Variants in BBX observed in about 807,000 individuals in gnomAD.
BBX encodes the protein BBX high mobility group box domain containing.
A neutral mutation model predicts 100.2 loss-of-function variants in BBX; 30 were observed. The ratio of observed to expected loss-of-function variants is 0.30; its 90% CI spans 0.22 to 0.41. BBX has a LOEUF of 0.41. Among genes scored for constraint, BBX ranks in the 10% least tolerant of loss-of-function variants. The pLI, the probability that BBX is intolerant of heterozygous loss-of-function variation, is 1.00. For missense variants in BBX, 1,023 were observed against 1,129.8 expected (o/e 0.91, Z 1.35); for synonymous variants, 376 against 388.1 (o/e 0.97, Z 0.37).
intron 7 of BBX, among the ~76,000 whole-genome samples, chr3:107,739,564 G>A (rs549825989): frequency 5.9e-5 from 9 of 152,252 alleles, no homozygotes; most frequent in East Asian, 1.9e-4. Flanking sequence ...CACATCCTCC[G>A]TAAGTCCCTA....
At chr3:107,581,225 G>T (rs967028286) in intron 2 of BBX, among the ~76,000 whole-genome samples, 24 of 151,954 alleles carry the variant, frequency 1.6e-4, no homozygotes, top group African/African-American at 5.8e-4. Flanking sequence ...CTGTAAAATA[G>T]TTACATTCAT....
At chr3:107,539,263 A>G (rs1018385484) in intron 2 of BBX, among the ~76,000 whole-genome samples, 1 of 152,220 alleles carries the variant, frequency 6.6e-6, no homozygotes, top group Non-Finnish European at 1.5e-5. Context: ...CTTGCAGAAT[A>G]AAAAGGCAGC....
chr3:107,703,035 G>A (rs2061178000), intron 3 of BBX, among the ~76,000 whole-genome samples: 1 of 152,176 alleles, frequency 6.6e-6, no homozygotes, highest in South Asian at 2.1e-4. Flanking sequence ...CAGCTGCATT[G>A]AGAGTAAAGG....
At chr3:107,713,126 T>G (rs542566727) in intron 4 of BBX, among the ~76,000 whole-genome samples, 9 of 152,302 alleles carry the variant, frequency 5.9e-5, no homozygotes, top group Non-Finnish European at 1.0e-4. Context: ...ATGAAGAAAC[T>G]TTGCCACCCA....
chr3:107,580,798 A>AT (rs2052219581), intron 2 of BBX, among the ~76,000 whole-genome samples: 1 of 152,072 alleles, frequency 6.6e-6, no homozygotes, highest in Non-Finnish European at 1.5e-5. Context: ...TGCCTGGCTA[A>AT]TTTTGTATTT....
intron 3 of BBX, among the ~76,000 whole-genome samples, chr3:107,695,489 C>T (rs2060520878): frequency 7.2e-6 from 1 of 139,208 alleles, no homozygotes; most frequent in Non-Finnish European, 1.5e-5. Context: ...GTTCAGTTTC[C>T]ATGTAGTTGA....
intron 3 of BBX, among the ~76,000 whole-genome samples, chr3:107,650,386 T>C (rs1277634714): frequency 2.0e-5 from 3 of 149,960 alleles, no homozygotes; most frequent in Non-Finnish European, 4.4e-5. Context: ...GCCCAAACCA[T>C]CCCCCCCACC....
At chr3:107,774,630 C>A in intron 11 of BBX, 89 bp from the exon 12 acceptor site, 2 of 1,343,448 alleles carry the variant, frequency 1.5e-6, no homozygotes, top group Non-Finnish European at 2.0e-6. Flanking sequence ...GATATGCAAG[C>A]AGTCAAGAGG....
intron 3 of BBX, among the ~76,000 whole-genome samples, chr3:107,700,839 A>G (rs1319824668): frequency 6.6e-6 from 1 of 151,746 alleles, no homozygotes; most frequent in African/African-American, 2.4e-5. Flanking sequence ...CCAGTCGATC[A>G]TTGTTGGACA....
In BBX at chr3:107,798,593, C is replaced by T; in HGVS notation, c.2424C>T (p.Asn808=). The part of the protein sequence containing the change: ...HKVKNIPSIF[N]TPEPTTTQEP... ...TTAAAAATATCCCATCCATTTTCAA[C>T]ACTCCAGAGCCAACAACAACGCAAG... The change falls in exon 16 of 18, where the codon AAC becomes AAT. Residue 808 remains asparagine (N), a synonymous_variant. Coordinates refer to ENST00000325805, the MANE Select transcript of BBX (RefSeq NM_001142568.3). The T allele has an allele frequency of 3.7e-6, 6 of 1,614,034 alleles. No homozygotes were observed. Among genetic ancestry groups the T allele is most frequent in the Non-Finnish European group, 5.1e-6 (6 of 1,179,980 alleles).
chr3:107,802,574 A>G (rs2070617194), intron 17 of BBX, among the ~76,000 whole-genome samples: 1 of 152,242 alleles, frequency 6.6e-6, no homozygotes, highest in South Asian at 2.1e-4. Flanking sequence ...GTCCCTGTGA[A>G]TTGTGGAAAT....
In BBX at chr3:107,774,867, T is replaced by TG. The variant is rs1393041035; in HGVS notation, c.2054+11dup. 6.2e-6 allele frequency: 10 copies of TG among 1,612,408 alleles called. No homozygotes were observed. The East Asian group carries it at 2.2e-4, about 36-fold the overall frequency. ...AAGACTGTCTCCTTGGGTAAGTGCC[T>TG]GTGAGCACAGTCACCTGTACTCCAC... On this transcript the variant is annotated intron_variant, in intron 12 of 17. Transcript: ENST00000325805.
chr3:107,535,919 A>G (rs2048462500), intron 2 of BBX, among the ~76,000 whole-genome samples: 1 of 152,204 alleles, frequency 6.6e-6, no homozygotes, highest in Admixed American at 6.5e-5. Context: ...ACTTTTAAAT[A>G]CTTAATCAGT....
At chr3:107,798,771 G>C in intron 16 of BBX, 51 bp downstream of exon 16, 1 of 1,516,932 alleles carries the variant, frequency 6.6e-7, no homozygotes, top group Non-Finnish European at 9.1e-7. Context: ...TAGCTTCCCT[G>C]GGCCACACTG....
chr3:107,688,720 T>C (rs1242865062), intron 3 of BBX, among the ~76,000 whole-genome samples: 1 of 152,236 alleles, frequency 6.6e-6, no homozygotes, highest in African/African-American at 2.4e-5. Flanking sequence ...TTCTTTATTG[T>C]TCCAACTCAT....
rs557070483 is a variant in BBX, at chr3:107,664,032, C to A, written c.-10+18123C>A. ...GTGTTAGCCAGGATGGTCTCGATCTCCTGACCTTGTGATCCACCGGCCTCG... is the reference window on the plus strand; with the variant it reads ...GTGTTAGCCAGGATGGTCTCGATCTACTGACCTTGTGATCCACCGGCCTCG... On this transcript the variant is annotated intron_variant, in intron 3 of 17. Transcript: ENST00000325805. Among the ~76,000 whole-genome samples the A allele has an allele frequency of 3.9e-5, 6 of 152,280 alleles. No homozygotes were observed. The East Asian group carries it at 1.2e-3, about 29-fold the overall frequency.
chr3:107,621,606 A>T (rs979568279), intron 2 of BBX, among the ~76,000 whole-genome samples: 1 of 152,190 alleles, frequency 6.6e-6, no homozygotes, highest in African/African-American at 2.4e-5. Flanking sequence ...CATCTCAGGT[A>T]ATTTAGATAT....
rs538395262 is a variant in BBX, at chr3:107,633,632, C to T, written c.-83-12204C>T. 1.6e-4 allele frequency among the ~76,000 whole-genome samples: 25 copies of T among 152,288 alleles called. 1 individual carries two copies. The highest frequency in any genetic ancestry group is 6.0e-4 in the African/African-American group (25 of 41,544). ...AATGTTAGAATCTTAGACTCTAAGG[C>T]CTCAGTGCCCTGCACAAACATCCAA... On this transcript the variant is annotated intron_variant, in intron 2 of 17. Transcript: ENST00000325805.
chr3:107,681,452 A>G (rs2059569637), intron 3 of BBX, among the ~76,000 whole-genome samples: 1 of 152,134 alleles, frequency 6.6e-6, no homozygotes, highest in Non-Finnish European at 1.5e-5. Flanking sequence ...AGGAGTGTTT[A>G]GAAATTCGTG....
Sources: allele counts gnomAD v4.1 joint callset (sites outside exome capture counted in the v4.1 genomes callset), GRCh38; gene constraint gnomAD v4.1.1; transcripts MANE v1.5; gene names NCBI Gene and HGNC (gene_info 2026-07-23, HGNC 2026-07-21).